Variants in CEP131 observed in about 807,000 individuals in gnomAD.
The protein encoded by CEP131 is centrosomal protein 131.
CEP131 carries 99 observed loss-of-function variants against 136.8 expected under a neutral mutation model. The ratio of observed to expected loss-of-function variants is 0.72; its 90% CI spans 0.62 to 0.86. The LOEUF is 0.86. Among genes scored for constraint, CEP131 ranks in the 40% least tolerant of loss-of-function variants. The pLI, the probability that CEP131 is intolerant of heterozygous loss-of-function variation, is 0.00. For synonymous variants in CEP131, 646 were observed against 612.7 expected, an observed-to-expected ratio of 1.05 and a Z score of -0.80; for missense variants, 1,459 against 1,463.0, an observed-to-expected ratio of 1.00 and a Z score of 0.04.
In CEP131 at chr17:81,208,855, GA is replaced by G; in HGVS notation, c.272+72del. On this transcript the variant is annotated intron_variant, in intron 3 of 25. Transcript: ENST00000450824. This position sits in a 1 kb window ranked among gnomAD's most constrained non-coding sequence, Gnocchi z 5.6. ...GGAGGAAGGGCAGAGCAGAGGCAGGGAGGAGCAGGCCAGGGTGGGGCACCTG... is the reference window on the plus strand; with the variant it reads ...GGAGGAAGGGCAGAGCAGAGGCAGGGGGAGCAGGCCAGGGTGGGGCACCTG... 1 of 1,188,988 alleles carries G rather than the reference GA, an allele frequency of 8.4e-7. No homozygotes were observed. The allele number at this position is 1,188,988 out of a possible 1,614,324, so 73.7% of individuals were successfully genotyped here. A position where few individuals can be genotyped will look rare whatever the true frequency, so the allele number is the denominator to read the frequency against.
rs1391348356 is a variant in CEP131, at chr17:81,202,370, C to T, written c.658G>A (p.Gly220Ser). Residue 220 changes from glycine (G) to serine (S), a missense_variant, in exon 7 of 26, where the codon GGC (glycine) becomes AGC (serine). Gly to Ser is a moderately conservative substitution (Grantham distance 56). Transcript: ENST00000450824. ...NNIIKAATCE[G>S]SESSGFGKLP... ...TTCCCAAAGCCGCTGCTCTCACTGC[C>T]CTCACAGGTGGCTGCCTTGATGATG... 3.1e-6 allele frequency: 5 copies of T among 1,613,492 alleles called. No homozygotes were observed. Among genetic ancestry groups the T allele is most frequent in the Non-Finnish European group, 4.2e-6 (5 of 1,179,888 alleles).
rs1271383347 is a variant in CEP131, at chr17:81,196,839, G to C, written c.1774-13C>G. On this transcript the variant is annotated splice_polypyrimidine_tract_variant and intron_variant, in intron 14 of 25. Transcript: ENST00000450824. ...CTCGCTGCTGCGCCTGCAGGGTGTG[G>C]GCAGAGGAGGGAAGCGCTAGGACCG... The C allele has an allele frequency of 6.3e-7, 1 of 1,597,358 alleles. No homozygotes were observed. The highest frequency in any genetic ancestry group is 8.5e-7 in the Non-Finnish European group (1 of 1,173,100).
Position 81,207,150 on chromosome 17 carries a change from T to G in CEP131, c.362A>C (p.Glu121Ala). ...CAGGACGTTCCAGGTGGCTCCCTTCTCGCTGGGGGCTGTGCTCAGGCTGGC... is the reference window on the plus strand; with the variant it reads ...CAGGACGTTCCAGGTGGCTCCCTTCGCGCTGGGGGCTGTGCTCAGGCTGGC... Reference protein sequence around the residue: ...RPASLSTAPSEKGATWNVLDD... With the variant: ...RPASLSTAPSAKGATWNVLDD... Residue 121 changes from glutamate (E) to alanine (A), a missense_variant, in exon 4 of 26, where the codon GAG becomes GCG. Glu to Ala is a moderately radical substitution (Grantham distance 107). Transcript: ENST00000450824. 6.2e-7 allele frequency: 1 copy of G among 1,613,142 alleles called. No homozygotes were observed. Among genetic ancestry groups the G allele is most frequent in the South Asian group, 1.1e-5 (1 of 91,020 alleles).
At chr17:81,207,960 C>CATA (rs1555613534) in intron 3 of CEP131, among the ~76,000 whole-genome samples, 2 of 730 alleles carry the variant, frequency 2.7e-3, no homozygotes, top group Non-Finnish European at 6.9e-3. Flanking sequence ...ACCCCATACA[C>CATA]ACACACACAC....
chr17:81,191,940 A>T (rs984209773), intron 21 of CEP131, among the ~76,000 whole-genome samples: 15 of 151,410 alleles, frequency 9.9e-5, no homozygotes, highest in Non-Finnish European at 1.3e-4. Flanking sequence ...GGCAGAGTCC[A>T]CCCCCCACAG....
In CEP131 at chr17:81,203,706, G is replaced by T. The variant is rs918985868; in HGVS notation, c.516-99C>A. 1.1e-6 allele frequency: 1 copy of T among 877,770 alleles called. No individual in the cohort carries two copies. Among genetic ancestry groups the T allele is most frequent in the Non-Finnish European group, 1.8e-6 (1 of 566,598 alleles). 54.4% of individuals were successfully genotyped at this position (877,770 alleles called of 1,614,324 possible). The stretch of plus-strand genomic sequence containing the variant: ...CAGCACGGGCTGGGAGGGAACAAAG[G>T]CCTTCAGTGCTTGCTACGTGCTGGC... On this transcript the variant is annotated intron_variant, in intron 5 of 25. Coordinates refer to ENST00000450824, the MANE Select transcript of CEP131 (RefSeq NM_014984.4). This position sits in a 1 kb window ranked among gnomAD's most constrained non-coding sequence, Gnocchi z 4.6.
intron 2 of CEP131, among the ~76,000 whole-genome samples, chr17:81,210,641 T>C (rs149987040): frequency 2.0e-5 from 3 of 152,058 alleles, no homozygotes; most frequent in African/African-American, 7.2e-5. Flanking sequence ...GGAAACGGTC[T>C]GGGGAACACC....
chr17:81,191,417 G>T, intron 21 of CEP131, 82 bp from the exon 22 acceptor site: 3 of 1,361,086 alleles, frequency 2.2e-6, no homozygotes, highest in Middle Eastern at 1.8e-4. Flanking sequence ...GTCCTGGGGG[G>T]CTCCAGGCTC....
chr17:81,220,844 C>T (rs1384142378), intron 1 of CEP131, among the ~76,000 whole-genome samples: 4 of 151,350 alleles, frequency 2.6e-5, no homozygotes, highest in African/African-American at 7.3e-5. Context: ...GCGTGTTGGC[C>T]GGGCACAGTG....
chr17:81,198,964 G>T lies in CEP131; in HGVS notation c.1200C>A (p.Gly400=). 1 of 1,566,016 alleles carries T rather than the reference G, an allele frequency of 6.4e-7. No homozygotes were observed. Residue 400 remains glycine, a synonymous_variant, in exon 11 of 26, where the codon GGC becomes GGA. Transcript: ENST00000450824. ...QALKANNTGG[G]LPAAGPGDRC... is the part of the protein sequence containing the mutation. ...GGTCTCCGGGGCCTGCAGCAGGGAG[G>T]CCACCACCTGCACAGCAGAACACAG...
Position 81,221,124 on chromosome 17 carries a change from C to CAAA in CEP131, c.-17-1054_-17-1052dup, listed in dbSNP as rs760838378. On this transcript the variant is annotated intron_variant, in intron 1 of 25. Coordinates refer to ENST00000450824, the MANE Select transcript of CEP131 (RefSeq NM_014984.4). The stretch of plus-strand genomic sequence containing the variant: ...TGGGCAACATAGCGAGACTCCATCT[C>CAAA]AAAAAAAAAAAAAAAAAAAAAACGC... 2.5e-3 allele frequency among the ~76,000 whole-genome samples: 131 copies of CAAA among 53,176 alleles called. 1 individual carries two copies. Among genetic ancestry groups the CAAA allele is most frequent in the East Asian group, 5.5e-3 (11 of 1,994 alleles). The allele number at this position is 53,176 out of a possible 152,430, so 34.9% of individuals were successfully genotyped here.
chr17:81,193,337 C>G (rs886935176), intron 18 of CEP131, among the ~76,000 whole-genome samples: 1 of 152,216 alleles, frequency 6.6e-6, no homozygotes, highest in Non-Finnish European at 1.5e-5. Flanking sequence ...CAAGCTGCAT[C>G]TGGGGAGGAC....
chr17:81,219,953 C>T lies in CEP131; in HGVS notation c.104G>A (p.Ser35Asn). The part of the protein sequence containing the change: ...LPPPVSRRPG[S>N]AATTKPIVRS... ...GACGATGGGCTTGGTGGTGGCGGCA[C>T]TGCCAGGACGCCGGGACACAGGCGG... Residue 35 changes from serine (S) to asparagine (N), a missense_variant, in exon 2 of 26, where the codon AGT becomes AAT. By Grantham distance (46) the Ser-to-Asn change is conservative (BLOSUM62 1). This residue lies in a region of CEP131 where 187 missense variants were observed against 179.9 expected (regional missense o/e 1.04). Coordinates refer to ENST00000450824, the MANE Select transcript of CEP131 (RefSeq NM_014984.4). This position sits in a 1 kb window ranked among gnomAD's most constrained non-coding sequence, Gnocchi z 4.0. 1.2e-6 allele frequency: 2 copies of T among 1,612,102 alleles called. No individual in the cohort carries two copies. The highest frequency in any genetic ancestry group is 1.7e-6 in the Non-Finnish European group (2 of 1,179,218).
chr17:81,195,046 C>A, intron 16 of CEP131, 74 bp from the exon 17 acceptor site: 1 of 1,154,246 alleles, frequency 8.7e-7, no homozygotes, highest in South Asian at 1.3e-5. Flanking sequence ...TGGGCACAGT[C>A]AGGGCCGGGC....
intron 16 of CEP131, 94 bp from the exon 17 acceptor site, chr17:81,195,066 C>G: frequency 1.1e-6 from 1 of 923,318 alleles, no homozygotes; most frequent in East Asian, 2.4e-5. Context: ...CTTCCAGGTC[C>G]ACCAGCACAA....
In CEP131 at chr17:81,197,619, G is replaced by A. The variant is rs191916100; in HGVS notation, c.1647+93C>T. 1.4e-3 allele frequency: 2,095 copies of A among 1,469,818 alleles called. 55 individuals carry two copies. In the East Asian group the frequency reaches 0.041, roughly 29 times the overall value. 91.0% of individuals were successfully genotyped at this position (1,469,818 alleles called of 1,614,324 possible). A position where few individuals can be genotyped will look rare whatever the true frequency, so the allele number is the denominator to read the frequency against. On this transcript the variant is annotated intron_variant, in intron 13 of 25. Transcript: ENST00000450824. The stretch of plus-strand genomic sequence containing the variant: ...TCCTCCCCCTGGGGGCCAGGTGCGG[G>A]CTGGTGAGGGGCCTCCTCCCCCGAG...
rs2061930318 is a variant in CEP131 at position 81,203,119 on chromosome 17, C to G, written c.629+375G>C. 1.3e-5 allele frequency among the ~76,000 whole-genome samples: 2 copies of G among 152,212 alleles called. No homozygotes were observed. The highest frequency in any genetic ancestry group is 4.1e-4 in the South Asian group (2 of 4,830). ...CTTTGCCCCGCTCGGTCCACCCCCG[C>G]TGTGACGCCTTCTGGGCTCTGCACA... On this transcript the variant is annotated intron_variant, in intron 6 of 25. Transcript: ENST00000450824. This position sits in a 1 kb window ranked among gnomAD's most constrained non-coding sequence, Gnocchi z 4.6.
intron 1 of CEP131, among the ~76,000 whole-genome samples, chr17:81,220,394 T>G (rs557778677): frequency 6.6e-6 from 1 of 152,368 alleles, no homozygotes; most frequent in South Asian, 2.1e-4. Flanking sequence ...ATTGTCGATG[T>G]GAGCCAGGTT....
chr17:81,191,226 G>A lies in CEP131; in HGVS notation c.2732C>T (p.Ala911Val). ...IHRLEADMALAKEESEKAAES... is the reference protein window; with the variant it reads ...IHRLEADMALVKEESEKAAES... ...GGCAGCCTTCTCACTCTCCTCCTTG[G>A]CCAGCGCCATGTCGGCCTCCAGCCG... Residue 911 changes from alanine (A) to valine (V), a missense_variant, in exon 22 of 26, where the codon GCC becomes GTC. Ala to Val is a moderately conservative substitution (Grantham distance 64). Around this residue, in one of 3 missense-constraint regions of CEP131, gnomAD observed 1,026 missense variants for 964.2 expected, o/e 1.06. Transcript: ENST00000450824. 11 of 1,613,052 alleles carry A rather than the reference G, an allele frequency of 6.8e-6. No individual in the cohort carries two copies. Among genetic ancestry groups the A allele is most frequent in the Non-Finnish European group, 9.3e-6 (11 of 1,179,972 alleles).
Sources: gnomAD v4.1 joint callset for allele counts (sites outside exome capture counted in the v4.1 genomes callset) on GRCh38, gnomAD v4.1.1 for gene constraint, gnomAD v4.1.1 regional missense constraint, Gnocchi (gnomAD v3.1) non-coding constraint, MANE v1.5 for transcripts, NCBI Gene and HGNC (gene_info 2026-07-23, HGNC 2026-07-21) for gene names.